Variants in SORL1 observed in about 807,000 individuals in gnomAD.
The protein encoded by SORL1 is sortilin-related receptor.
SORL1 carries 127 observed loss-of-function variants against 273.7 expected under a neutral mutation model. The ratio of observed to expected loss-of-function variants is 0.46; its 90% confidence interval spans 0.40 to 0.54. The LOEUF (loss-of-function observed/expected upper bound fraction) is 0.54, where lower values mean the gene tolerates loss of function less well. Among genes scored for constraint, SORL1 ranks in the 20% least tolerant of loss-of-function variants. The probability of loss-of-function intolerance (pLI) is 0.00; values close to 1 mark genes in which losing one functional copy is unlikely to be tolerated. For synonymous variants in SORL1, 1,031 were observed against 1,067.4 expected (o/e 0.97, Z 0.66); for missense variants, 2,494 against 2,846.1 (o/e 0.88, Z 2.81).
chr11:121,454,217 T>C (rs550464333), intron 1 of SORL1, among the ~76,000 whole-genome samples: 19 of 152,358 alleles, frequency 1.2e-4, no homozygotes, highest in South Asian at 2.1e-4. Flanking sequence ...CACTTCTTCA[T>C]TGGGCCTCCG....
chr11:121,478,664 TTGTGTGCGTGTGAGTACC>T (rs1279236138), intron 3 of SORL1, among the ~76,000 whole-genome samples: 3 of 152,088 alleles, frequency 2.0e-5, no homozygotes, highest in Non-Finnish European at 2.9e-5. Context: ...ATGTACGTGC[TTGTGTGCGTGTGAGTACC>T]TGTGTGCGTG....
chr11:121,522,771 G>A lies in SORL1; in HGVS notation c.1522+68G>A, dbSNP rs916397706. ...GTGATGTGCAGGCCAAATGCAGAGCGATCACCCACACCTCCAGCAGTAACC... is the reference window on the plus strand; with the variant it reads ...GTGATGTGCAGGCCAAATGCAGAGCAATCACCCACACCTCCAGCAGTAACC... On this transcript the variant is annotated intron_variant, in intron 10 of 47. Transcript: ENST00000260197. 20 of 1,397,858 alleles carry A rather than the reference G, an allele frequency of 1.4e-5. No homozygotes were observed. The East Asian group carries it at 2.3e-4, about 16-fold the overall frequency. 86.6% of individuals were successfully genotyped at this position (1,397,858 alleles called of 1,614,324 possible).
At chr11:121,506,860 A>T (rs979552651) in intron 6 of SORL1, among the ~76,000 whole-genome samples, 1 of 152,070 alleles carries the variant, frequency 6.6e-6, no homozygotes, top group East Asian at 1.9e-4. Flanking sequence ...TTCCTGATAA[A>T]TTTTTTTTGG....
intron 11 of SORL1, among the ~76,000 whole-genome samples, chr11:121,524,255 G>C (rs1220640308): frequency 6.6e-6 from 1 of 152,242 alleles, no homozygotes; most frequent in Non-Finnish European, 1.5e-5. Flanking sequence ...GAATAGGCCT[G>C]TGGTTTGTTT....
chr11:121,540,102 G>C (rs1030543479), intron 12 of SORL1, among the ~76,000 whole-genome samples: 2 of 152,136 alleles, frequency 1.3e-5, no homozygotes, highest in Admixed American at 6.5e-5. Flanking sequence ...GTTGCTCTTG[G>C]TTATATGACC....
rs938123197 is a variant in SORL1 at position 121,631,328 on chromosome 11, C to T, written c.*1765C>T. 1 of 151,000 alleles carries T rather than the reference C, an allele frequency of 6.6e-6. No homozygotes were observed. The highest frequency in any genetic ancestry group is 2.4e-5 in the African/African-American group (1 of 41,134). The allele number at this position is 151,000 out of a possible 1,614,324, so 9.4% of individuals were successfully genotyped here. ...ACAACTGGTGGTAATGATAAGCCTT[C>T]TTCTAGCGTATTTTCTCTTCTTTCC... On this transcript the variant is annotated 3_prime_UTR_variant, in exon 48 of 48. Transcript: ENST00000260197.
In SORL1 at chr11:121,595,011, T is replaced by C. The variant is rs1009197064; in HGVS notation, c.4370-612T>C. Reference sequence around the variant, plus strand: ...CTTCCATATGTAGGTTTAATCCCCCTTTTATCAGTAGGATATACTTGCTGT... The same window carrying C: ...CTTCCATATGTAGGTTTAATCCCCCCTTTATCAGTAGGATATACTTGCTGT... On this transcript the variant is annotated intron_variant, in intron 31 of 47. Transcript: ENST00000260197. The surrounding 1 kb of genome is among the most constrained non-coding windows in gnomAD (Gnocchi z 5.1). 2.6e-5 allele frequency among the ~76,000 whole-genome samples: 4 copies of C among 152,224 alleles called. No individual in the cohort carries two copies. Among genetic ancestry groups the C allele is most frequent in the Non-Finnish European group, 5.9e-5 (4 of 68,032 alleles).
chr11:121,510,682 A>T (rs530804509), intron 6 of SORL1, among the ~76,000 whole-genome samples: 7 of 152,322 alleles, frequency 4.6e-5, no homozygotes, highest in South Asian at 2.1e-4. Flanking sequence ...GCAGTCATTT[A>T]TTCTGGGTGG....
intron 6 of SORL1, among the ~76,000 whole-genome samples, chr11:121,507,014 T>C (rs1861799020): frequency 6.6e-6 from 1 of 152,200 alleles, no homozygotes; most frequent in Non-Finnish European, 1.5e-5. Flanking sequence ...ATAAATATCT[T>C]AATTTATGAA....
In SORL1 at chr11:121,554,376, T is replaced by C. The variant is rs1862547491; in HGVS notation, c.2439+267T>C. ...TCTTGCTTTTCCTGCTGGGAAGGTG[T>C]TGGGACTAGTAATGTAGGATGATTA... On this transcript the variant is annotated intron_variant, in intron 17 of 47. Coordinates refer to ENST00000260197, the MANE Select transcript of SORL1 (RefSeq NM_003105.6). The surrounding 1 kb of genome is among the most constrained non-coding windows in gnomAD (Gnocchi z 4.6). Among the ~76,000 whole-genome samples, 2 of 152,150 alleles carry C rather than the reference T, an allele frequency of 1.3e-5. No individual in the cohort carries two copies.
chr11:121,492,959 C>T (rs182977866), intron 5 of SORL1, among the ~76,000 whole-genome samples: 9 of 151,772 alleles, frequency 5.9e-5, no homozygotes, highest in East Asian at 2.0e-4. Flanking sequence ...CCTGCCACCA[C>T]GCCTGGCTAA....
chr11:121,614,551 G>A (rs1863612393), intron 40 of SORL1: 1 of 241,482 alleles, frequency 4.1e-6, no homozygotes, highest in Non-Finnish European at 8.0e-6. Context: ...TGACTTCATG[G>A]GATAACTGGA....
chr11:121,514,477 T>C (rs1861922958), intron 8 of SORL1, among the ~76,000 whole-genome samples, 156 bp downstream of exon 8: 1 of 152,154 alleles, frequency 6.6e-6, no homozygotes, highest in Non-Finnish European at 1.5e-5. Context: ...GAGATCACCA[T>C]GGGATGGGTT....
chr11:121,511,938 A>G (rs980624769), intron 6 of SORL1, among the ~76,000 whole-genome samples: 5 of 152,228 alleles, frequency 3.3e-5, no homozygotes, highest in African/African-American at 1.2e-4. Flanking sequence ...GAATCCCAAC[A>G]TCTCAATATG....
chr11:121,561,511 G>C (rs768497068), intron 21 of SORL1, among the ~76,000 whole-genome samples: 8 of 152,080 alleles, frequency 5.3e-5, no homozygotes, highest in Non-Finnish European at 1.2e-4. Context: ...CTGGATAGAT[G>C]ACAGGCTGGT....
At chr11:121,465,394 G>GC (rs368616457) in intron 1 of SORL1, among the ~76,000 whole-genome samples, 47 of 151,960 alleles carry the variant, frequency 3.1e-4, no homozygotes, top group Middle Eastern at 3.4e-3. Flanking sequence ...CCAAAGACAA[G>GC]CCCCCCCGCC....
At chr11:121,549,611 G>T (rs1178379645) in intron 14 of SORL1, among the ~76,000 whole-genome samples, 1 of 152,116 alleles carries the variant, frequency 6.6e-6, no homozygotes, top group Admixed American at 6.6e-5. Context: ...CTCATTGGTT[G>T]CTAGTAACTG....
intron 40 of SORL1, among the ~76,000 whole-genome samples, chr11:121,613,742 C>T (rs567306478): frequency 3.9e-5 from 6 of 152,300 alleles, no homozygotes; most frequent in Non-Finnish European, 5.9e-5. Context: ...TACGCTCAGA[C>T]GGTGGCAGAG....
intron 6 of SORL1, among the ~76,000 whole-genome samples, chr11:121,504,733 G>C (rs1431174955): frequency 1.3e-5 from 2 of 152,042 alleles, no homozygotes; most frequent in Non-Finnish European, 2.9e-5. Flanking sequence ...GTAAAATGTT[G>C]ACTAGGAGTG....
Sources: allele counts gnomAD v4.1 joint callset (sites outside exome capture counted in the v4.1 genomes callset), GRCh38; gene constraint gnomAD v4.1.1; non-coding constraint Gnocchi (gnomAD v3.1); transcripts MANE v1.5; gene names NCBI Gene and HGNC (gene_info 2026-07-23, HGNC 2026-07-21).